OSBPL8: variants seen among roughly 807,000 people sequenced by gnomAD.
OSBPL8 encodes the protein oxysterol binding protein like 8.
In OSBPL8, 59 loss-of-function variants were observed where a neutral mutation model predicts 125.5. That is an observed-to-expected ratio of 0.47 (90% CI 0.38 to 0.58). OSBPL8 has a LOEUF of 0.58. Among genes scored for constraint, OSBPL8 ranks in the 20% least tolerant of loss-of-function variants. The pLI, the probability that OSBPL8 is intolerant of heterozygous loss-of-function variation, is 0.00. For missense variants in OSBPL8, 758 were observed against 1,047.8 expected, an observed-to-expected ratio of 0.72 and a Z score of 3.82; for synonymous variants, 330 against 338.9, an observed-to-expected ratio of 0.97 and a Z score of 0.29.
Position 76,516,812 on chromosome 12 carries a change from CTTTTCTTTTT to C in OSBPL8, c.-67-29204_-67-29195del, listed in dbSNP as rs1881581875. Among the ~76,000 whole-genome samples, 6 of 146,270 alleles carry C rather than the reference CTTTTCTTTTT, an allele frequency of 4.1e-5. No individual in the cohort carries two copies. In the South Asian group the frequency reaches 1.3e-3, roughly 32 times the overall value. On this transcript the variant is annotated intron_variant, in intron 1 of 23. Transcript: ENST00000261183. The stretch of plus-strand genomic sequence containing the variant: ...TGTCCCATTTCTTTCCTTTTCTTTT[CTTTTCTTTTT>C]TTTTTTTTTTGAGATGGAGACTAGC...
At chr12:76,402,966 AT>A (rs1383877861) in intron 5 of OSBPL8, among the ~76,000 whole-genome samples, 200 bp from the exon 6 acceptor site, 1 of 152,246 alleles carries the variant, frequency 6.6e-6, no homozygotes, top group South Asian at 2.1e-4. Context: ...GTTAAAACTA[AT>A]CAGTATACAA....
At chr12:76,481,792 A>C (rs1220567683) in intron 2 of OSBPL8, among the ~76,000 whole-genome samples, 1 of 152,258 alleles carries the variant, frequency 6.6e-6, no homozygotes, top group African/African-American at 2.4e-5. Flanking sequence ...TGACCCACTC[A>C]AAATAATACT....
chr12:76,529,626 G>A (rs1268233329), intron 1 of OSBPL8, among the ~76,000 whole-genome samples: 1 of 151,948 alleles, frequency 6.6e-6, no homozygotes, highest in East Asian at 1.9e-4. Context: ...AACCCTTTCT[G>A]TGAAAAACTG....
intron 4 of OSBPL8, among the ~76,000 whole-genome samples, chr12:76,432,025 A>C (rs536222911): frequency 6.6e-6 from 1 of 152,230 alleles, no homozygotes; most frequent in Admixed American, 6.5e-5. Context: ...AATAATATCA[A>C]GTATCTTTAT....
At chr12:76,443,784 G>A (rs1872465112) in intron 4 of OSBPL8, among the ~76,000 whole-genome samples, 1 of 152,102 alleles carries the variant, frequency 6.6e-6, no homozygotes, top group Non-Finnish European at 1.5e-5. Flanking sequence ...TGCTATTATA[G>A]GCATGAGACA....
chr12:76,400,280 G>A (rs549506743), intron 6 of OSBPL8, among the ~76,000 whole-genome samples: 1 of 152,192 alleles, frequency 6.6e-6, no homozygotes, highest in African/African-American at 2.4e-5. Context: ...TTCTGAGTTA[G>A]TCTGCTAAGG....
chr12:76,551,356 A>G (rs2137504078), intron 1 of OSBPL8, among the ~76,000 whole-genome samples: 1 of 152,314 alleles, frequency 6.6e-6, no homozygotes, highest in South Asian at 2.1e-4. Context: ...AATATCTTGA[A>G]ACATTTTTCA....
chr12:76,537,474 T>C (rs563910938), intron 1 of OSBPL8, among the ~76,000 whole-genome samples: 2 of 152,350 alleles, frequency 1.3e-5, no homozygotes, highest in South Asian at 4.1e-4. Context: ...TACAGAAAAG[T>C]ATTATTTTCA....
intron 15 of OSBPL8, among the ~76,000 whole-genome samples, chr12:76,380,826 T>C (rs866335419): frequency 6.6e-5 from 10 of 152,296 alleles, no homozygotes; most frequent in Middle Eastern, 6.8e-3. Context: ...TTGTTCTTGA[T>C]CTTAGGTAGA....
At chr12:76,419,557 C>G (rs928116349) in intron 4 of OSBPL8, among the ~76,000 whole-genome samples, 11 of 152,116 alleles carry the variant, frequency 7.2e-5, no homozygotes, top group Admixed American at 2.0e-4. Flanking sequence ...TCCAATGGTT[C>G]AGTTTCTCCA....
chr12:76,431,608 T>C (rs528366382), intron 4 of OSBPL8, among the ~76,000 whole-genome samples: 2 of 152,100 alleles, frequency 1.3e-5, no homozygotes, highest in Non-Finnish European at 2.9e-5. Context: ...GAAGTGGCTA[T>C]ACATGTATCA....
At chr12:76,458,750 A>C (rs993268342) in intron 3 of OSBPL8, among the ~76,000 whole-genome samples, 3 of 152,172 alleles carry the variant, frequency 2.0e-5, no homozygotes, top group Non-Finnish European at 2.9e-5. Context: ...TTTTTAGAAA[A>C]AAAATTACAT....
intron 2 of OSBPL8, among the ~76,000 whole-genome samples, chr12:76,479,802 C>T (rs55681224): frequency 0.2 from 30,959 of 151,940 alleles, 3,393 homozygotes; most frequent in Non-Finnish European, 0.26. Context: ...TAACAGATAT[C>T]GGAGAGATTT....
intron 2 of OSBPL8, among the ~76,000 whole-genome samples, chr12:76,476,905 A>G (rs901627608): frequency 1.3e-5 from 2 of 152,246 alleles, no homozygotes; most frequent in African/African-American, 4.8e-5. Context: ...AAAACTAATG[A>G]AAAGTAAGCA....
Position 76,402,858 on chromosome 12 carries a change from CATTT to C in OSBPL8, c.289-96_289-93del, listed in dbSNP as rs537813503. 5.9e-4 allele frequency: 488 copies of C among 824,440 alleles called. 2 individuals carry two copies. In the African/African-American group the frequency reaches 7.7e-3, roughly 13 times the overall value. The allele number at this position is 824,440 out of a possible 1,614,324, so 51.1% of individuals were successfully genotyped here. ...TGTTAAAATTATGTGACATTTTTCT[CATTT>C]ATTGCTATGATTTAAGCAAATGTCA... On this transcript the variant is annotated intron_variant, in intron 5 of 23. Coordinates refer to ENST00000261183, the MANE Select transcript of OSBPL8 (RefSeq NM_020841.5).
chr12:76,509,100 G>A (rs1565955057), intron 1 of OSBPL8, among the ~76,000 whole-genome samples: 1 of 152,176 alleles, frequency 6.6e-6, no homozygotes, highest in East Asian at 1.9e-4. Context: ...GGTCAATAGT[G>A]CAAAGCAGTA....
At chr12:76,494,348 TTTACTC>T (rs1565943326) in intron 1 of OSBPL8, among the ~76,000 whole-genome samples, 3 of 152,228 alleles carry the variant, frequency 2.0e-5, no homozygotes, top group East Asian at 3.9e-4. Context: ...GTGGGAGTCT[TTTACTC>T]TAAGTGATAT....
intron 4 of OSBPL8, among the ~76,000 whole-genome samples, chr12:76,444,896 T>C (rs1872577271): frequency 6.6e-6 from 1 of 152,204 alleles, no homozygotes; most frequent in Admixed American, 6.5e-5. Context: ...GGGACATAAA[T>C]GTAGCCATCT....
chr12:76,450,723 A>G, intron 4 of OSBPL8, 128 bp downstream of exon 4: 2 of 901,308 alleles, frequency 2.2e-6, no homozygotes, highest in Non-Finnish European at 3.3e-6. Flanking sequence ...AAAACAAACA[A>G]AACCCCTTAC....
Sources: gnomAD v4.1 joint callset for allele counts (sites outside exome capture counted in the v4.1 genomes callset) on GRCh38, gnomAD v4.1.1 for gene constraint, MANE v1.5 for transcripts, NCBI Gene and HGNC (gene_info 2026-07-23, HGNC 2026-07-21) for gene names.